RABL6: variants seen among roughly 807,000 people sequenced by gnomAD.
RABL6 encodes rab-like protein 6.
In RABL6, 28 loss-of-function variants were observed where a neutral mutation model predicts 72.9. The ratio of observed to expected loss-of-function variants is 0.38; its 90% CI spans 0.28 to 0.53. RABL6 has a LOEUF of 0.53. Ranked by LOEUF, RABL6 falls within the 20% of genes least tolerant of loss-of-function variation. RABL6 has a pLI of 0.80. For missense variants in RABL6, 1,029 were observed against 1,008.4 expected, an observed-to-expected ratio of 1.02 and a Z score of -0.28; for synonymous variants, 477 against 421.2, an observed-to-expected ratio of 1.13 and a Z score of -1.62.
At chr9:136,827,401 A>T (rs553002637) in intron 3 of RABL6, 3 of 152,216 alleles carry the variant, frequency 2.0e-5, no homozygotes, top group African/African-American at 2.4e-5. Flanking sequence ...GGCTGAATGG[A>T]GCAGCCTCAG....
chr9:136,834,124 G>T, intron 7 of RABL6: 1 of 1,315,252 alleles, frequency 7.6e-7, no homozygotes, highest in Non-Finnish European at 9.7e-7. Context: ...CGGGACCCCT[G>T]TTTCCTCTTT....
rs1302439609 is a variant in RABL6 at position 136,824,132 on chromosome 9, C to G, written c.265+473C>G. On this transcript the variant is annotated intron_variant, in intron 2 of 14. Coordinates refer to ENST00000311502, the MANE Select transcript of RABL6 (RefSeq NM_024718.5). Reference sequence around the variant, plus strand: ...GTGGGCTTGATGGTGGGATAGACCCCTCCCCCAGGTCTCAATTGGGTGTGG... The same window carrying G: ...GTGGGCTTGATGGTGGGATAGACCCGTCCCCCAGGTCTCAATTGGGTGTGG... Among the ~76,000 whole-genome samples, 5 of 152,062 alleles carry G rather than the reference C, an allele frequency of 3.3e-5. No individual in the cohort carries two copies. The East Asian group carries it at 9.7e-4, about 29-fold the overall frequency.
chr9:136,828,482 T>C lies in RABL6; in HGVS notation c.314-12T>C. 5 of 1,612,772 alleles carry C rather than the reference T, an allele frequency of 3.1e-6. No individual in the cohort carries two copies. Among genetic ancestry groups the C allele is most frequent in the Non-Finnish European group, 4.2e-6 (5 of 1,179,726 alleles). The stretch of plus-strand genomic sequence containing the variant: ...GGTTCCACCTCGTAATTTTTGTTTG[T>C]TTTTAAATAAGGAAAATGCAAAAAG... On this transcript the variant is annotated splice_polypyrimidine_tract_variant and intron_variant, in intron 3 of 14. Coordinates refer to ENST00000311502, the MANE Select transcript of RABL6 (RefSeq NM_024718.5).
At chr9:136,813,529 C>T (rs1412471549) in intron 1 of RABL6, 2 of 427,974 alleles carry the variant, frequency 4.7e-6, no homozygotes, top group Admixed American at 3.8e-5. Context: ...GTTTTCTCTG[C>T]ATTAGCTTCT....
At position 136,835,724 on chromosome 9, in the gene RABL6, C is replaced by A. The variant is rs753706995; in HGVS notation, c.706-18C>A. 44 of 1,544,920 alleles carry A rather than the reference C, an allele frequency of 2.8e-5. No homozygotes were observed. The highest frequency in any genetic ancestry group is 3.8e-5 in the Non-Finnish European group (43 of 1,144,042). On this transcript the variant is annotated intron_variant, in intron 7 of 14. Coordinates refer to ENST00000311502, the MANE Select transcript of RABL6 (RefSeq NM_024718.5). ...CAGGAAGGAGCCCTGCTCAGGCCTG[C>A]GTGCTCCCTTTCTGCAGAGGGAGAC...
intron 5 of RABL6, 141 bp from the exon 6 acceptor site, chr9:136,831,580 C>A: frequency 1.6e-6 from 2 of 1,245,320 alleles, no homozygotes; most frequent in Non-Finnish European, 2.3e-6. Context: ...GCTCTGCATG[C>A]ACGAGGCATG....
intron 3 of RABL6, 72 bp from the exon 4 acceptor site, chr9:136,828,422 G>C: frequency 6.6e-7 from 1 of 1,517,202 alleles, no homozygotes; most frequent in East Asian, 2.3e-5. Context: ...GTGGCCATGG[G>C]GGGACCATGC....
intron 1 of RABL6, chr9:136,815,447 C>G (rs1460125464): frequency 7.0e-6 from 2 of 284,878 alleles, no homozygotes; most frequent in African/African-American, 4.6e-5. Context: ...CTGACATTTC[C>G]TCATCTTCAC....
At chr9:136,823,301 G>C (rs575234096) in intron 1 of RABL6, among the ~76,000 whole-genome samples, 1 of 152,010 alleles carries the variant, frequency 6.6e-6, no homozygotes, top group African/African-American at 2.4e-5. Flanking sequence ...GGCCCGGTTC[G>C]CCGTTGATGC....
In RABL6 at chr9:136,819,324, G is replaced by GAA. The variant is rs57726746; in HGVS notation, c.131-4183_131-4182dup. Among the ~76,000 whole-genome samples, 560 of 58,936 alleles carry GAA rather than the reference G, an allele frequency of 9.5e-3. 5 individuals are homozygous for GAA. The highest frequency in any genetic ancestry group is 0.024 in the African/African-American group (518 of 21,868). 38.7% of individuals were successfully genotyped at this position (58,936 alleles called of 152,430 possible). A position where few individuals can be genotyped will look rare whatever the true frequency, so the allele number is the denominator to read the frequency against. ...GCAGCAGAACGAGACTCCGTCTCAA[G>GAA]AAAAAAAAAAAAAAAAAAAGAAAAC... On this transcript the variant is annotated intron_variant, in intron 1 of 14. Coordinates refer to ENST00000311502, the MANE Select transcript of RABL6 (RefSeq NM_024718.5).
chr9:136,839,644 T>TG, intron 12 of RABL6, 50 bp from the exon 13 acceptor site: 2 of 1,550,314 alleles, frequency 1.3e-6, no homozygotes, highest in Middle Eastern at 3.5e-4. Flanking sequence ...CCACAACCCC[T>TG]GGGGGTGTGG....
chr9:136,840,558 C>G lies in RABL6; in HGVS notation c.*36C>G, dbSNP rs1188360793. The stretch of plus-strand genomic sequence containing the variant: ...GCAGTGGCCGCCCTGGGGCGGGGGG[C>G]GTGCCTGTCACTGCCTGGGGAGGCA... On this transcript the variant is annotated 3_prime_UTR_variant, in exon 15 of 15. Coordinates refer to ENST00000311502, the MANE Select transcript of RABL6 (RefSeq NM_024718.5). 6.5e-7 allele frequency: 1 copy of G among 1,531,374 alleles called. No homozygotes were observed. Among genetic ancestry groups the G allele is most frequent in the South Asian group, 1.2e-5 (1 of 83,614 alleles). The allele number at this position is 1,531,374 out of a possible 1,614,324, so 94.9% of individuals were successfully genotyped here.
intron 10 of RABL6, among the ~76,000 whole-genome samples, chr9:136,838,524 C>T (rs1342855613): frequency 6.6e-6 from 1 of 152,262 alleles, no homozygotes; most frequent in Non-Finnish European, 1.5e-5. Context: ...CAGCCCTGGA[C>T]AAGCTCCACC....
At chr9:136,833,984 A>G in intron 7 of RABL6, 1 of 1,525,906 alleles carries the variant, frequency 6.6e-7, no homozygotes, top group Non-Finnish European at 8.8e-7. Context: ...AACCCTTCCA[A>G]AGCCTCCCAG....
chr9:136,830,457 C>T (rs1848449168), intron 5 of RABL6, among the ~76,000 whole-genome samples: 1 of 152,252 alleles, frequency 6.6e-6, no homozygotes, highest in Admixed American at 6.5e-5. Context: ...GGGGGTGTGG[C>T]ACACGGATGG....
At chr9:136,833,757 TC>T (rs1389700883) in intron 7 of RABL6, 1 of 1,550,372 alleles carries the variant, frequency 6.5e-7, no homozygotes, top group African/African-American at 1.4e-5. Flanking sequence ...GGCTGTGCTG[TC>T]GTCCTGGTGT....
chr9:136,840,960 G>T lies in RABL6; in HGVS notation c.*438G>T. ...TGCCTATGGTTCCGCTTCCGGCCGG[G>T]AGCCCTGAACACGGGTGTGCAGACT... is the stretch of plus-strand genomic sequence containing the variant. On this transcript the variant is annotated 3_prime_UTR_variant, in exon 15 of 15. Transcript: ENST00000311502. The T allele has an allele frequency of 6.9e-7, 1 of 1,458,108 alleles. No individual in the cohort carries two copies. 90.3% of individuals were successfully genotyped at this position (1,458,108 alleles called of 1,614,324 possible).
At chr9:136,817,055 T>C (rs971553651) in intron 1 of RABL6, among the ~76,000 whole-genome samples, 1 of 152,170 alleles carries the variant, frequency 6.6e-6, no homozygotes, top group Non-Finnish European at 1.5e-5. Flanking sequence ...CAAAAAACCA[T>C]GAGCAGACAG....
At position 136,831,822 on chromosome 9, in the gene RABL6, T is replaced by C. The variant is rs759593815; in HGVS notation, c.560T>C (p.Leu187Pro). 6.2e-7 allele frequency: 1 copy of C among 1,613,134 alleles called. No homozygotes were observed. Among genetic ancestry groups the C allele is most frequent in the South Asian group, 1.1e-5 (1 of 91,066 alleles). The change falls in exon 6 of 15, where the codon CTG becomes CCG. Residue 187 changes from leucine to proline, a missense_variant. Coordinates refer to ENST00000311502, the MANE Select transcript of RABL6 (RefSeq NM_024718.5). The part of the protein sequence containing the change: ...YRDMGEHRVI[L>P]PDDVRDFIDN... ...GACATGGGCGAGCACCGAGTCATCC[T>C]GCCGGACGACGTGCGTGACTTCATC... is the stretch of plus-strand genomic sequence containing the variant.
Sources: gnomAD v4.1 joint callset for allele counts (sites outside exome capture counted in the v4.1 genomes callset) on GRCh38, gnomAD v4.1.1 for gene constraint, MANE v1.5 for transcripts, NCBI Gene and HGNC (gene_info 2026-07-23, HGNC 2026-07-21) for gene names.